The following PIGZ variants were observed in gnomAD, a reference collection of about 807,000 sequenced individuals.
The protein encoded by PIGZ is GPI alpha-1,2-mannosyltransferase 4.
Under a neutral mutation model 16.4 loss-of-function variants are expected in PIGZ, and 16 were observed. The ratio of observed to expected loss-of-function variants is 0.97; its 90% confidence interval spans 0.66 to 1.48. PIGZ has a LOEUF of 1.48. Among genes scored for constraint, PIGZ ranks in the 40% most tolerant of loss-of-function variants. PIGZ has a pLI of 0.00. For missense variants in PIGZ, 770 were observed against 739.2 expected, an observed-to-expected ratio of 1.04 and a Z score of -0.48; for synonymous variants, 409 against 338.4, an observed-to-expected ratio of 1.21 and a Z score of -2.29.
chr3:196,953,781 G>C (rs955237479), intron 1 of PIGZ, among the ~76,000 whole-genome samples: 13 of 152,074 alleles, frequency 8.5e-5, no homozygotes, highest in Non-Finnish European at 1.9e-4. Flanking sequence ...TGAAAGGATC[G>C]CTTGAAACCA....
At chr3:196,950,604 T>C (rs538541746) in intron 2 of PIGZ, among the ~76,000 whole-genome samples, 1 of 152,344 alleles carries the variant, frequency 6.6e-6, no homozygotes, top group East Asian at 1.9e-4. Context: ...ATCAAATCTA[T>C]CTGGCTGCTT....
At chr3:196,959,002 T>G (rs561144949) in intron 1 of PIGZ, among the ~76,000 whole-genome samples, 11 of 152,312 alleles carry the variant, frequency 7.2e-5, no homozygotes, top group South Asian at 2.1e-4. Context: ...AGGCATCTGC[T>G]GAGGGTGAGT....
In PIGZ at chr3:196,952,050, G is replaced by A; in HGVS notation, c.1-19C>T. ...TCTGCATCTGTTGAGGATAACAGTTGTTGGTTATCACGATGTAAATTATAA... is the reference window on the plus strand; with the variant it reads ...TCTGCATCTGTTGAGGATAACAGTTATTGGTTATCACGATGTAAATTATAA... On this transcript the variant is annotated intron_variant, in intron 1 of 2. Coordinates refer to ENST00000412723, the MANE Select transcript of PIGZ (RefSeq NM_025163.4). 2.5e-6 allele frequency: 4 copies of A among 1,604,482 alleles called. No homozygotes were observed. The highest frequency in any genetic ancestry group is 3.4e-6 in the Non-Finnish European group (4 of 1,173,076).
chr3:196,956,714 C>T (rs2108909830), intron 1 of PIGZ, among the ~76,000 whole-genome samples: 1 of 152,336 alleles, frequency 6.6e-6, no homozygotes, highest in South Asian at 2.1e-4. Context: ...TGTCTCTAAT[C>T]ATCCTTTCAG....
intron 1 of PIGZ, among the ~76,000 whole-genome samples, chr3:196,959,673 C>G (rs1041361511): frequency 2.6e-5 from 4 of 152,224 alleles, no homozygotes; most frequent in African/African-American, 9.6e-5. Context: ...AAACCATCTG[C>G]ATTCACTGAA....
At chr3:196,957,146 C>T (rs1356392057) in intron 1 of PIGZ, among the ~76,000 whole-genome samples, 1 of 151,016 alleles carries the variant, frequency 6.6e-6, no homozygotes, top group East Asian at 1.9e-4. Context: ...AGGACCATTT[C>T]TAATCAAATT....
Position 196,951,881 on chromosome 3 carries a change from G to A in PIGZ, c.151C>T (p.Leu51Phe), listed in dbSNP as rs894237964. 1.2e-6 allele frequency: 2 copies of A among 1,614,180 alleles called. No homozygotes were observed. Among genetic ancestry groups the A allele is most frequent in the Non-Finnish European group, 1.7e-6 (2 of 1,180,032 alleles). ...GGGTGCACATAGCCCGTCTGCGGAA[G>A]GAGACACCACAGCACTCGGAGCAGG... The part of the protein sequence containing the change: ...LSLLRVLWCL[L>F]PQTGYVHPDE... Residue 51 changes from leucine (L) to phenylalanine (F), a missense_variant, in exon 2 of 3, where the codon CTT (leucine) becomes TTT (phenylalanine). Coordinates refer to ENST00000412723, the MANE Select transcript of PIGZ (RefSeq NM_025163.4).
intron 1 of PIGZ, among the ~76,000 whole-genome samples, chr3:196,966,370 T>A (rs1300968692): frequency 1.3e-5 from 2 of 152,224 alleles, no homozygotes; most frequent in African/African-American, 4.8e-5. Context: ...AGTGGTTGCT[T>A]TCTTTATCCA....
chr3:196,961,896 C>T (rs984133241), intron 1 of PIGZ, among the ~76,000 whole-genome samples: 3 of 152,168 alleles, frequency 2.0e-5, no homozygotes, highest in Non-Finnish European at 4.4e-5. Flanking sequence ...TACAAATTTT[C>T]ATCACTCAAG....
chr3:196,947,903 G>A lies in PIGZ; in HGVS notation c.994C>T (p.Gln332Ter). 1 of 1,614,028 alleles carries A rather than the reference G, an allele frequency of 6.2e-7. No individual in the cohort carries two copies. Among genetic ancestry groups the A allele is most frequent in the Non-Finnish European group, 8.5e-7 (1 of 1,179,948 alleles). ...GFLLFGVLHA[Q>*]ALQAAWQRLQ... Reference sequence around the variant, plus strand: ...CGTTGCCACGCAGCCTGCAGGGCCTGGGCATGCAGCACCCCGAAGAGCAGG... The same window carrying A: ...CGTTGCCACGCAGCCTGCAGGGCCTAGGCATGCAGCACCCCGAAGAGCAGG... The change falls in exon 3 of 3, where the codon CAG (glutamine) becomes TAG (stop). Residue 332 changes from glutamine (Q) to a stop codon, truncating the protein, a stop_gained. Transcript: ENST00000412723. LOFTEE classifies it low-confidence loss of function (END_TRUNC).
chr3:196,960,930 T>C (rs1322170230), intron 1 of PIGZ, among the ~76,000 whole-genome samples: 1 of 152,208 alleles, frequency 6.6e-6, no homozygotes, highest in East Asian at 1.9e-4. Context: ...GAAAAATGGT[T>C]CCAGATAGAA....
chr3:196,958,220 A>T (rs1395492844), intron 1 of PIGZ, among the ~76,000 whole-genome samples: 1 of 103,652 alleles, frequency 9.6e-6, no homozygotes, highest in Non-Finnish European at 2.0e-5. Context: ...CCTGTTTAAC[A>T]ACCTTTATTT....
Position 196,948,133 on chromosome 3 carries a change from G to T in PIGZ, c.764C>A (p.Thr255Asn). The change falls in exon 3 of 3, where the codon ACC becomes AAC. Residue 255 changes from threonine to asparagine, a missense_variant. Physicochemically the swap from Thr to Asn is moderately conservative, Grantham distance 65. Coordinates refer to ENST00000412723, the MANE Select transcript of PIGZ (RefSeq NM_025163.4). ...AGGGAGCAGCACCAGGGCCTCCCGGGTCAGAGACTTCAAACCAGGGTTTGT... is the reference window on the plus strand; with the variant it reads ...AGGGAGCAGCACCAGGGCCTCCCGGTTCAGAGACTTCAAACCAGGGTTTGT... Reference protein sequence around the residue: ...GATNPGLKSLTREALVLLPGA... With the variant: ...GATNPGLKSLNREALVLLPGA... 1 of 1,605,762 alleles carries T rather than the reference G, an allele frequency of 6.2e-7. No homozygotes were observed. The highest frequency in any genetic ancestry group is 8.5e-7 in the Non-Finnish European group (1 of 1,174,668).
chr3:196,958,618 C>T (rs972428704), intron 1 of PIGZ, among the ~76,000 whole-genome samples: 1 of 152,108 alleles, frequency 6.6e-6, no homozygotes, highest in East Asian at 1.9e-4. Context: ...GGGACAAGAG[C>T]GAGACTTCGT....
At chr3:196,966,480 G>C (rs1717931408) in intron 1 of PIGZ, among the ~76,000 whole-genome samples, 2 of 152,236 alleles carry the variant, frequency 1.3e-5, no homozygotes, top group African/African-American at 4.8e-5. Flanking sequence ...ACTGTTGTCT[G>C]ATTATTTCTC....
chr3:196,967,560 T>C (rs1252158655), intron 1 of PIGZ, among the ~76,000 whole-genome samples: 1 of 152,198 alleles, frequency 6.6e-6, no homozygotes, highest in African/African-American at 2.4e-5. Flanking sequence ...TAAGATCTTG[T>C]TCCAGTCCTC....
Position 196,952,043 on chromosome 3 carries a change from A to G in PIGZ, c.1-12T>C, listed in dbSNP as rs1717309189. Reference sequence around the variant, plus strand: ...CCACAGATCTGCATCTGTTGAGGATAACAGTTGTTGGTTATCACGATGTAA... The same window carrying G: ...CCACAGATCTGCATCTGTTGAGGATGACAGTTGTTGGTTATCACGATGTAA... On this transcript the variant is annotated splice_polypyrimidine_tract_variant and intron_variant, in intron 1 of 2. Coordinates refer to ENST00000412723, the MANE Select transcript of PIGZ (RefSeq NM_025163.4). 6.2e-7 allele frequency: 1 copy of G among 1,611,248 alleles called. No homozygotes were observed. Among genetic ancestry groups the G allele is most frequent in the African/African-American group, 1.3e-5 (1 of 74,914 alleles).
At chr3:196,958,578 C>T (rs1005340504) in intron 1 of PIGZ, among the ~76,000 whole-genome samples, 13 of 152,300 alleles carry the variant, frequency 8.5e-5, no homozygotes, top group African/African-American at 3.1e-4. Flanking sequence ...TTGCAGTTGG[C>T]CAAGATCGCG....
chr3:196,959,212 C>G (rs183514260), intron 1 of PIGZ, among the ~76,000 whole-genome samples: 5 of 152,342 alleles, frequency 3.3e-5, no homozygotes, highest in Admixed American at 2.0e-4. Context: ...TTATTTTGCC[C>G]TCCAGTTACT....
Sources: allele counts gnomAD v4.1 joint callset (sites outside exome capture counted in the v4.1 genomes callset), GRCh38; gene constraint gnomAD v4.1.1; transcripts MANE v1.5; gene names NCBI Gene and HGNC (gene_info 2026-07-23, HGNC 2026-07-21).